ZNF420: variants seen among roughly 807,000 people sequenced by gnomAD.
The protein encoded by ZNF420 is ATM and p53-associated KZNF protein.
In ZNF420, 31 loss-of-function variants were observed where a neutral mutation model predicts 44.7. That is an observed-to-expected ratio of 0.69 (90% CI 0.52 to 0.94). The LOEUF is 0.94. Among genes scored for constraint, ZNF420 ranks in the 40% least tolerant of loss-of-function variants. ZNF420 has a pLI of 0.00. For missense variants in ZNF420, 681 were observed against 827.9 expected, an observed-to-expected ratio of 0.82 and a Z score of 2.18; for synonymous variants, 245 against 267.4, an observed-to-expected ratio of 0.92 and a Z score of 0.82.
At chr19:37,116,693 C>T (rs999031623) in intron 4 of ZNF420, among the ~76,000 whole-genome samples, 3 of 152,156 alleles carry the variant, frequency 2.0e-5, no homozygotes, top group Non-Finnish European at 4.4e-5. Context: ...TCAGGGAGTT[C>T]CCTTTCCTAG....
intron 1 of ZNF420, chr19:37,025,204 C>CA (rs917534746): frequency 1.2e-4 from 46 of 393,260 alleles, no homozygotes; most frequent in South Asian, 8.2e-4. Flanking sequence ...AGCTTCCCCA[C>CA]ACTCTTTACA....
At chr19:37,093,143 C>G (rs997953055) in intron 4 of ZNF420, 3 of 151,432 alleles carry the variant, frequency 2.0e-5, no homozygotes, top group Non-Finnish European at 2.9e-5. Flanking sequence ...GAGGGGGAGT[C>G]GGTGTGTCAC....
chr19:37,016,705 A>G (rs1035902587), intron 1 of ZNF420, among the ~76,000 whole-genome samples: 1 of 152,104 alleles, frequency 6.6e-6, no homozygotes, highest in African/African-American at 2.4e-5. Flanking sequence ...TGCTGAGGAG[A>G]AGCAGGAGCT....
intron 1 of ZNF420, among the ~76,000 whole-genome samples, chr19:37,014,635 C>T (rs1040290544): frequency 3.3e-5 from 5 of 152,246 alleles, no homozygotes; most frequent in Admixed American, 1.3e-4. Context: ...GCCTGACAGC[C>T]CTGACATTGC....
chr19:37,091,277 G>T (rs965472126), intron 4 of ZNF420, 156 bp downstream of exon 4: 55 of 702,494 alleles, frequency 7.8e-5, no homozygotes, highest in Non-Finnish European at 1.1e-4. Flanking sequence ...GTTTCTCAGG[G>T]CACCTTTATC....
At chr19:37,011,657 C>T (rs1003316426) in intron 1 of ZNF420, among the ~76,000 whole-genome samples, 1 of 152,114 alleles carries the variant, frequency 6.6e-6, no homozygotes, top group African/African-American at 2.4e-5. Context: ...CCCAGGTGTG[C>T]TTTGCTTTTC....
intron 1 of ZNF420, among the ~76,000 whole-genome samples, chr19:37,037,372 G>A (rs962029051): frequency 3.9e-5 from 6 of 152,190 alleles, no homozygotes; most frequent in Admixed American, 3.9e-4. Flanking sequence ...GTGCAATGGC[G>A]CCTGCGTCAT....
chr19:37,115,478 T>G (rs1034708100), intron 4 of ZNF420, among the ~76,000 whole-genome samples: 5 of 151,668 alleles, frequency 3.3e-5, no homozygotes, highest in Non-Finnish European at 7.4e-5. Context: ...GAGGTCTTTG[T>G]GTCATAAATA....
At chr19:37,066,185 G>A (rs991626623) in intron 1 of ZNF420, among the ~76,000 whole-genome samples, 1 of 152,238 alleles carries the variant, frequency 6.6e-6, no homozygotes, top group African/African-American at 2.4e-5. Flanking sequence ...GCTCACGCCT[G>A]TAATCCCAGC....
intron 2 of ZNF420, among the ~76,000 whole-genome samples, chr19:37,084,993 T>C (rs1968674570): frequency 6.6e-6 from 1 of 152,196 alleles, no homozygotes; most frequent in Non-Finnish European, 1.5e-5. Flanking sequence ...ATTTTGTGCT[T>C]ATTTTTATTC....
chr19:37,079,488 C>G (rs571806873), intron 1 of ZNF420, among the ~76,000 whole-genome samples: 1 of 152,274 alleles, frequency 6.6e-6, no homozygotes, highest in East Asian at 1.9e-4. Flanking sequence ...CATCCATGGC[C>G]TGTATTGCTT....
chr19:37,118,651 T>C (rs1970834741), intron 4 of ZNF420, among the ~76,000 whole-genome samples: 1 of 151,692 alleles, frequency 6.6e-6, no homozygotes, highest in Non-Finnish European at 1.5e-5. Context: ...GGCTAAATGC[T>C]CCAATTAAAA....
intron 1 of ZNF420, among the ~76,000 whole-genome samples, chr19:37,039,567 A>T (rs1967416213): frequency 6.6e-6 from 1 of 152,212 alleles, no homozygotes. Context: ...ATATCATCCA[A>T]GTGTTGTTCC....
intron 1 of ZNF420, among the ~76,000 whole-genome samples, chr19:37,044,150 T>G (rs916241422): frequency 3.9e-5 from 6 of 152,224 alleles, no homozygotes; most frequent in African/African-American, 1.4e-4. Flanking sequence ...AGGATCATGA[T>G]TCTGCCCTGG....
At chr19:37,043,992 G>A (rs1227170478) in intron 1 of ZNF420, among the ~76,000 whole-genome samples, 7 of 152,164 alleles carry the variant, frequency 4.6e-5, no homozygotes, top group Non-Finnish European at 5.9e-5. Context: ...ATTGGACTGC[G>A]GACTGCACAT....
intron 4 of ZNF420, among the ~76,000 whole-genome samples, chr19:37,117,928 G>T (rs1008741801): frequency 1.3e-5 from 2 of 152,104 alleles, no homozygotes; most frequent in Non-Finnish European, 2.9e-5. Flanking sequence ...AGAGAAAAAA[G>T]AATAAAAAGA....
intron 1 of ZNF420, among the ~76,000 whole-genome samples, chr19:37,029,753 C>A (rs1423839351): frequency 6.6e-6 from 1 of 152,060 alleles, no homozygotes; most frequent in Non-Finnish European, 1.5e-5. Context: ...CGTGATCCAC[C>A]CGCCTTGGCC....
At chr19:37,065,603 G>A (rs1967956204) in intron 1 of ZNF420, among the ~76,000 whole-genome samples, 1 of 152,246 alleles carries the variant, frequency 6.6e-6, no homozygotes, top group African/African-American at 2.4e-5. Context: ...ACTGAATTCT[G>A]CCTATTAACC....
At chr19:37,070,658 T>G (rs988379684) in intron 1 of ZNF420, among the ~76,000 whole-genome samples, 3 of 152,172 alleles carry the variant, frequency 2.0e-5, no homozygotes, top group African/African-American at 7.2e-5. Flanking sequence ...ATCTTAACCT[T>G]ATTAGTAAGC....
Sources: gnomAD v4.1 joint callset for allele counts (sites outside exome capture counted in the v4.1 genomes callset) on GRCh38, gnomAD v4.1.1 for gene constraint, MANE v1.5 for transcripts, NCBI Gene and HGNC (gene_info 2026-07-23, HGNC 2026-07-21) for gene names.